Variants in ARID4B observed in about 807,000 individuals in gnomAD.
ARID4B encodes AT-rich interactive domain-containing protein 4B.
In ARID4B, 26 loss-of-function variants were observed where a neutral mutation model predicts 147.5. The ratio of observed to expected loss-of-function variants is 0.18; its 90% CI spans 0.13 to 0.24. ARID4B has a LOEUF of 0.24. Among genes scored for constraint, ARID4B ranks in the 10% least tolerant of loss-of-function variants. ARID4B has a pLI of 1.00. For missense variants in ARID4B, 1,179 were observed against 1,511.5 expected (o/e 0.78, Z 3.65); for synonymous variants, 512 against 507.9 (o/e 1.01, Z -0.11).
intron 5 of ARID4B, among the ~76,000 whole-genome samples, chr1:235,254,216 C>T (rs1669811194): frequency 6.6e-6 from 1 of 152,058 alleles, no homozygotes; most frequent in Non-Finnish European, 1.5e-5. Context: ...GTTTTATTCT[C>T]ACACCAAAGA....
intron 8 of ARID4B, among the ~76,000 whole-genome samples, chr1:235,238,783 A>G (rs767141741): frequency 6.6e-5 from 10 of 152,002 alleles, no homozygotes; most frequent in Non-Finnish European, 1.5e-4. Context: ...TGAGCCCAGG[A>G]GGTCAAGGCT....
chr1:235,258,096 C>T (rs1335202043), intron 3 of ARID4B, among the ~76,000 whole-genome samples: 1 of 152,052 alleles, frequency 6.6e-6, no homozygotes. Flanking sequence ...CTTTGGAAGG[C>T]CGAAGCAGGT....
intron 2 of ARID4B, among the ~76,000 whole-genome samples, chr1:235,304,341 C>T (rs568740764): frequency 6.1e-4 from 93 of 152,110 alleles, no homozygotes; most frequent in Admixed American, 1.9e-3. Context: ...GAGGAAGACC[C>T]TGTCCCGAAA....
chr1:235,261,240 C>G (rs1010201008), intron 2 of ARID4B, among the ~76,000 whole-genome samples: 2 of 152,096 alleles, frequency 1.3e-5, no homozygotes, highest in African/African-American at 4.8e-5. Context: ...TAGTGTAGTG[C>G]CTGGTGTGGT....
At chr1:235,272,268 CAA>C (rs1671042435) in intron 2 of ARID4B, among the ~76,000 whole-genome samples, 1 of 152,126 alleles carries the variant, frequency 6.6e-6, no homozygotes, top group Non-Finnish European at 1.5e-5. Flanking sequence ...CAACATTTTG[CAA>C]AAGTGACCAT....
chr1:235,310,801 G>C (rs1017568513), intron 2 of ARID4B, among the ~76,000 whole-genome samples: 4 of 152,100 alleles, frequency 2.6e-5, no homozygotes, highest in Admixed American at 2.6e-4. Context: ...TTCCTGAGTA[G>C]CTGGAAATAC....
chr1:235,301,019 A>G (rs1174481055), intron 2 of ARID4B, among the ~76,000 whole-genome samples: 1 of 147,988 alleles, frequency 6.8e-6, no homozygotes, highest in Non-Finnish European at 1.5e-5. Flanking sequence ...CCAGCCAACA[A>G]TACATTTTTT....
chr1:235,223,983 T>C (rs530336334), intron 12 of ARID4B, among the ~76,000 whole-genome samples: 2 of 152,320 alleles, frequency 1.3e-5, no homozygotes, highest in South Asian at 4.1e-4. Flanking sequence ...ACATTTTATA[T>C]TGAAAAAGAA....
chr1:235,239,434 T>C (rs750852126), intron 8 of ARID4B, among the ~76,000 whole-genome samples: 37 of 152,238 alleles, frequency 2.4e-4, no homozygotes, highest in Non-Finnish European at 3.2e-4. Flanking sequence ...AATTATTAGT[T>C]GAACCTCTAT....
Position 235,257,193 on chromosome 1 carries a change from T to C in ARID4B, c.150A>G (p.Glu50=), listed in dbSNP as rs373895894. Residue 50 remains glutamate (E), a synonymous_variant, in exon 4 of 24, where the codon GAA becomes GAG. Transcript: ENST00000264183. ...VTFRHDSSTV[E]VQDDHIKGPL... Reference sequence around the variant, plus strand: ...GGCCCTTTATGTGGTCATCCTGAACTTCCACTGTTGAAGAATCATGTCTAA... The same window carrying C: ...GGCCCTTTATGTGGTCATCCTGAACCTCCACTGTTGAAGAATCATGTCTAA... 1.4e-5 allele frequency: 23 copies of C among 1,612,864 alleles called. No homozygotes were observed. Among genetic ancestry groups the C allele is most frequent in the Admixed American group, 3.3e-5 (2 of 59,998 alleles).
In ARID4B at chr1:235,205,951, T is replaced by C. The variant is rs540636796; in HGVS notation, c.1841+7818A>G. Reference sequence around the variant, plus strand: ...TCGTCTCTGTGGAAAAGTTTGACAGTTCCTTAGAATGTGAAACACAGAGTT... The same window carrying C: ...TCGTCTCTGTGGAAAAGTTTGACAGCTCCTTAGAATGTGAAACACAGAGTT... On this transcript the variant is annotated intron_variant, in intron 17 of 23. Transcript: ENST00000264183. 5.3e-5 allele frequency among the ~76,000 whole-genome samples: 8 copies of C among 152,280 alleles called. No individual in the cohort carries two copies. In the East Asian group the frequency reaches 1.2e-3, roughly 22 times the overall value.
At chr1:235,231,736 C>T (rs1264701200) in intron 9 of ARID4B, among the ~76,000 whole-genome samples, 6 of 152,220 alleles carry the variant, frequency 3.9e-5, no homozygotes, top group Non-Finnish European at 7.3e-5. Context: ...GATCCACCCA[C>T]CTCAGTCTCC....
intron 20 of ARID4B, 55 bp downstream of exon 20, chr1:235,181,530 A>T: frequency 6.4e-7 from 1 of 1,553,240 alleles, no homozygotes; most frequent in Non-Finnish European, 8.7e-7. Context: ...GAAATCATTG[A>T]AACTTTAAGA....
intron 2 of ARID4B, among the ~76,000 whole-genome samples, chr1:235,261,396 C>A (rs573871177): frequency 2.0e-5 from 3 of 152,094 alleles, no homozygotes; most frequent in African/African-American, 7.2e-5. Context: ...TGGTGCCATG[C>A]GCCTGTACTC....
intron 10 of ARID4B, 24 bp from the exon 11 acceptor site, chr1:235,229,409 T>C (rs1214259084): frequency 4.1e-6 from 6 of 1,473,044 alleles, no homozygotes; most frequent in African/African-American, 1.4e-5. Flanking sequence ...ACAAGGTACA[T>C]GAACTGAAGA....
chr1:235,216,371 A>G (rs1233232265), intron 16 of ARID4B, among the ~76,000 whole-genome samples: 14 of 151,968 alleles, frequency 9.2e-5, no homozygotes, highest in African/African-American at 3.1e-4. Flanking sequence ...TTTTTGAGAC[A>G]GAGTCTCGCT....
At chr1:235,238,838 GAGTAAGCCTCTGT>G (rs936268265) in intron 8 of ARID4B, among the ~76,000 whole-genome samples, 2 of 150,300 alleles carry the variant, frequency 1.3e-5, no homozygotes, top group Non-Finnish European at 2.9e-5. Context: ...CTGGGTAACG[GAGTAAGCCTCTGT>G]CTCCGGGGAA....
chr1:235,227,032 T>G (rs1667878726), intron 11 of ARID4B, among the ~76,000 whole-genome samples: 1 of 152,112 alleles, frequency 6.6e-6, no homozygotes, highest in Admixed American at 6.5e-5. Flanking sequence ...GAGGTGATGG[T>G]TCACAGGTTT....
chr1:235,174,001 G>C (rs1456542627), intron 22 of ARID4B, among the ~76,000 whole-genome samples: 2 of 149,980 alleles, frequency 1.3e-5, no homozygotes, highest in Non-Finnish European at 3.0e-5. Flanking sequence ...CCTAACACCA[G>C]ATACTTTTAA....
Sources: gnomAD v4.1 joint callset for allele counts (sites outside exome capture counted in the v4.1 genomes callset) on GRCh38, gnomAD v4.1.1 for gene constraint, MANE v1.5 for transcripts, NCBI Gene and HGNC (gene_info 2026-07-23, HGNC 2026-07-21) for gene names.